Variants in OCA2 observed in about 807,000 individuals in gnomAD.
OCA2 encodes OCA2 melanosomal transmembrane protein, also known as P protein.
A neutral mutation model predicts 100.2 loss-of-function variants in OCA2; 77 were observed. The observed-to-expected ratio is 0.77, with a 90% CI of 0.64 to 0.93. The LOEUF (loss-of-function observed/expected upper bound fraction) is 0.93. OCA2 is among the 40% of genes least tolerant of loss of function. OCA2 has a pLI of 0.00. For missense variants in OCA2, 1,062 were observed against 1,089.1 expected (o/e 0.98, Z 0.35); for synonymous variants, 432 against 439.2 (o/e 0.98, Z 0.21).
chr15:27,956,657 C>G (rs1451969467), intron 16 of OCA2, among the ~76,000 whole-genome samples: 1 of 152,214 alleles, frequency 6.6e-6, no homozygotes. Context: ...ATTCTTTCCC[C>G]AGCCTGTAAC....
chr15:27,752,212 A>G (rs1241263507), downstream of OCA2, among the ~76,000 whole-genome samples: 1 of 152,324 alleles, frequency 6.6e-6, no homozygotes, highest in East Asian at 1.9e-4. Flanking sequence ...AGACAGTAAA[A>G]GTGTGTCCTC....
chr15:28,057,106 A>T (rs1296481191), intron 2 of OCA2, among the ~76,000 whole-genome samples: 4 of 152,276 alleles, frequency 2.6e-5, no homozygotes, highest in African/African-American at 9.6e-5. Context: ...GATTGATAGC[A>T]TAAAATAGAA....
In OCA2 at chr15:27,913,816, G is replaced by GAA. The variant is rs1555430747; in HGVS notation, c.2079+12310_2079+12311insTT. Reference sequence around the variant, plus strand: ...GCAGAGACACAACAAAAAAAAAAAAGAGAAAGAAAGAAAGAAAGAAAGGAA... The same window carrying GAA: ...GCAGAGACACAACAAAAAAAAAAAAGAAAGAAAGAAAGAAAGAAAGAAAGGAA... On this transcript the variant is annotated intron_variant, in intron 19 of 23. Coordinates refer to ENST00000354638, the MANE Select transcript of OCA2 (RefSeq NM_000275.3). Among the ~76,000 whole-genome samples the GAA allele has an allele frequency of 1.1e-3, 73 of 66,162 alleles. 1 individual carries two copies. Among genetic ancestry groups the GAA allele is most frequent in the African/African-American group, 3.1e-3 (59 of 18,896 alleles). The allele number at this position is 66,162 out of a possible 152,430, so 43.4% of individuals were successfully genotyped here.
intron 2 of OCA2, among the ~76,000 whole-genome samples, chr15:28,071,220 TG>T (rs1168904819): frequency 6.7e-6 from 1 of 148,754 alleles, no homozygotes; most frequent in Non-Finnish European, 1.5e-5. Flanking sequence ...ACCAAGGAGT[TG>T]AAAGATTTCT....
At chr15:28,010,090 GA>G (rs966745352) in intron 9 of OCA2, among the ~76,000 whole-genome samples, 2 of 149,768 alleles carry the variant, frequency 1.3e-5, no homozygotes, top group Admixed American at 1.3e-4. Flanking sequence ...AGCAGCTAAT[GA>G]AAAAAAACCA....
Position 27,926,118 on chromosome 15 carries a change from A to C in OCA2, c.2079+9T>G. The C allele has an allele frequency of 6.2e-7, 1 of 1,614,106 alleles. No homozygotes were observed. The highest frequency in any genetic ancestry group is 1.1e-5 in the South Asian group (1 of 91,084). On this transcript the variant is annotated intron_variant, in intron 19 of 23. Transcript: ENST00000354638. ...AAAATGCCATATGGCAAAAGTTCTA[A>C]AATCTTACCTCCATCAGAACAAAGA...
chr15:27,937,485 T>C (rs951215806), intron 18 of OCA2, among the ~76,000 whole-genome samples: 1 of 152,204 alleles, frequency 6.6e-6, no homozygotes, highest in African/African-American at 2.4e-5. Context: ...GTCAAATCAT[T>C]TTCAAAAGTC....
At chr15:27,843,324 A>C (rs1254692657) in intron 23 of OCA2, among the ~76,000 whole-genome samples, 2 of 152,186 alleles carry the variant, frequency 1.3e-5, no homozygotes, top group Non-Finnish European at 2.9e-5. Context: ...CTGCCCACTC[A>C]GCACACTTGT....
At chr15:28,055,332 CACTTGCATTTTTCCCCAAA>C (rs137951693) in intron 2 of OCA2, among the ~76,000 whole-genome samples, 14,012 of 152,248 alleles carry the variant, frequency 0.092, 824 homozygotes, top group African/African-American at 0.16. Context: ...TCTGATCTCA[CACTTGCATTTTTCCCCAAA>C]ACTTTTATCT....
the OCA2 span, among the ~76,000 whole-genome samples, chr15:27,741,004 G>T: frequency 6.6e-6 from 1 of 152,210 alleles, no homozygotes; most frequent in African/African-American, 2.4e-5. Context: ...GAAGCTGAAG[G>T]CTCAGCAGCA....
At chr15:28,015,618 C>G (rs1407353493) in intron 8 of OCA2, among the ~76,000 whole-genome samples, 3 of 152,070 alleles carry the variant, frequency 2.0e-5, no homozygotes, top group African/African-American at 7.2e-5. Flanking sequence ...AGGGGAGAGG[C>G]CTTGGGAGAA....
rs1457587922 is a variant in OCA2 at position 28,081,709 on chromosome 15, C to T, written c.166G>A (p.Ala56Thr). Residue 56 changes from alanine (A) to threonine (T), a missense_variant, in exon 2 of 24, where the codon GCC (alanine) becomes ACC (threonine). By Grantham distance (58) the Ala-to-Thr change is moderately conservative. Coordinates refer to ENST00000354638, the MANE Select transcript of OCA2 (RefSeq NM_000275.3). ...DPSHSCPRGA[A>T]GQSSWAPAGQ... is the part of the protein sequence containing the mutation. ...GCAGGAGCCCAAGAGCTCTGCCCGG[C>T]AGCCCCCCTGGGGCAGGAGTGCGAG... The T allele has an allele frequency of 6.2e-7, 1 of 1,613,832 alleles. No homozygotes were observed. Among genetic ancestry groups the T allele is most frequent in the Non-Finnish European group, 8.5e-7 (1 of 1,179,970 alleles).
At chr15:27,891,114 C>T (rs1490793324) in intron 19 of OCA2, among the ~76,000 whole-genome samples, 2 of 151,866 alleles carry the variant, frequency 1.3e-5, no homozygotes, top group East Asian at 3.9e-4. Flanking sequence ...ATTCCTTTCC[C>T]TATGAGTTGT....
intron 15 of OCA2, among the ~76,000 whole-genome samples, chr15:27,964,935 T>C (rs1226656747): frequency 6.6e-6 from 1 of 152,200 alleles, no homozygotes; most frequent in Admixed American, 6.5e-5. Context: ...TGTTCCTTAC[T>C]CAGGAACGGT....
At chr15:27,961,521 T>A (rs2040410707) in intron 15 of OCA2, among the ~76,000 whole-genome samples, 1 of 152,216 alleles carries the variant, frequency 6.6e-6, no homozygotes, top group African/African-American at 2.4e-5. Flanking sequence ...GCAGCACTGT[T>A]CACAATAGCA....
downstream of OCA2, among the ~76,000 whole-genome samples, chr15:27,749,903 T>A (rs2030011513): frequency 6.6e-6 from 1 of 152,232 alleles, no homozygotes; most frequent in Non-Finnish European, 1.5e-5. Context: ...AAATTGTCAA[T>A]TCTTCCCAAA....
the OCA2 span, among the ~76,000 whole-genome samples, chr15:27,724,330 CT>C: frequency 1.3e-5 from 2 of 152,132 alleles, no homozygotes; most frequent in Non-Finnish European, 2.9e-5. Context: ...CCTTTTGCCC[CT>C]GGCTTGTAGG....
At chr15:28,086,473 C>A (rs528550828) in intron 1 of OCA2, among the ~76,000 whole-genome samples, 10 of 152,136 alleles carry the variant, frequency 6.6e-5, no homozygotes, top group Non-Finnish European at 1.3e-4. Context: ...GTGTCAGGCC[C>A]TTCTGCTGGC....
chr15:27,917,035 A>G (rs2038691077), intron 19 of OCA2, among the ~76,000 whole-genome samples: 1 of 152,122 alleles, frequency 6.6e-6, no homozygotes, highest in Non-Finnish European at 1.5e-5. Context: ...CTCTGAAGGG[A>G]ATGGCTGCTT....
Sources: allele counts gnomAD v4.1 joint callset (sites outside exome capture counted in the v4.1 genomes callset), GRCh38; gene constraint gnomAD v4.1.1; transcripts MANE v1.5; gene names NCBI Gene and HGNC (gene_info 2026-07-23, HGNC 2026-07-21).